IP6K1: variants seen among roughly 807,000 people sequenced by gnomAD.
The protein encoded by IP6K1 is ATP:1D-myo-inositol-hexakisphosphate phosphotransferase.
A neutral mutation model predicts 38.3 loss-of-function variants in IP6K1; 13 were observed. The ratio of observed to expected loss-of-function variants is 0.34; its 90% CI spans 0.22 to 0.54. IP6K1 has a LOEUF of 0.54. Among genes scored for constraint, IP6K1 ranks in the 20% least tolerant of loss-of-function variants. The pLI, the probability that IP6K1 is intolerant of heterozygous loss-of-function variation, is 0.92. For missense variants in IP6K1, 397 were observed against 599.8 expected, an observed-to-expected ratio of 0.66 and a Z score of 3.53; for synonymous variants, 212 against 229.9, an observed-to-expected ratio of 0.92 and a Z score of 0.70.
intron 1 of IP6K1, among the ~76,000 whole-genome samples, chr3:49,761,431 G>A (rs7621797): frequency 0.18 from 27,447 of 151,748 alleles, 2,827 homozygotes; most frequent in African/African-American, 0.26. Flanking sequence ...TCAAGACCAT[G>A]GTGAAACCCC....
intron 3 of IP6K1, among the ~76,000 whole-genome samples, chr3:49,734,870 C>T (rs1472971468): frequency 6.6e-6 from 1 of 152,220 alleles, no homozygotes; most frequent in Non-Finnish European, 1.5e-5. Flanking sequence ...AGCCCCACCC[C>T]TGGAATGACG....
chr3:49,777,793 T>C (rs966143008), intron 1 of IP6K1, among the ~76,000 whole-genome samples: 2 of 151,172 alleles, frequency 1.3e-5, no homozygotes, highest in Non-Finnish European at 2.9e-5. Flanking sequence ...CAGGCGCCTG[T>C]AGTCCCAGCT....
intron 1 of IP6K1, among the ~76,000 whole-genome samples, chr3:49,753,493 CT>C (rs1251257007): frequency 6.6e-6 from 1 of 152,074 alleles, no homozygotes; most frequent in Non-Finnish European, 1.5e-5. Flanking sequence ...ACTTTACTTA[CT>C]GATAATGTCT....
chr3:49,736,592 C>G (rs565469173), intron 3 of IP6K1, among the ~76,000 whole-genome samples: 12 of 152,164 alleles, frequency 7.9e-5, no homozygotes, highest in Admixed American at 7.9e-4. Flanking sequence ...CATGGATATA[C>G]CATATTTTGT....
At chr3:49,763,104 CTTTT>C (rs1217162043) in intron 1 of IP6K1, among the ~76,000 whole-genome samples, 6 of 137,582 alleles carry the variant, frequency 4.4e-5, no homozygotes, top group Admixed American at 1.5e-4. Flanking sequence ...TCAATTATTT[CTTTT>C]TTTTTTTTTT....
At chr3:49,774,017 AC>A (rs773035486) in intron 1 of IP6K1, among the ~76,000 whole-genome samples, 2,205 of 114,190 alleles carry the variant, frequency 0.019, 38 homozygotes, top group African/African-American at 0.052. Context: ...ACACACACAC[AC>A]AACACACACA....
At chr3:49,744,077 C>T (rs1362923908) in intron 2 of IP6K1, among the ~76,000 whole-genome samples, 4 of 151,944 alleles carry the variant, frequency 2.6e-5, no homozygotes, top group African/African-American at 9.7e-5. Flanking sequence ...CTTCTATTCC[C>T]ATCATTCCTT....
chr3:49,733,182 C>G (rs2080579037), intron 3 of IP6K1, among the ~76,000 whole-genome samples: 3 of 152,126 alleles, frequency 2.0e-5, no homozygotes. Context: ...TCTCTTAAAA[C>G]TATCTGAAAA....
chr3:49,764,176 G>GT (rs1390754084), intron 1 of IP6K1, among the ~76,000 whole-genome samples: 9 of 151,826 alleles, frequency 5.9e-5, no homozygotes, highest in Non-Finnish European at 1.3e-4. Context: ...GAGCCCAGGA[G>GT]TTTGAGACCA....
intron 1 of IP6K1, among the ~76,000 whole-genome samples, chr3:49,765,872 A>G (rs144503413): frequency 3.1e-4 from 47 of 151,604 alleles, no homozygotes; most frequent in African/African-American, 9.9e-4. Context: ...GCGAAACCCC[A>G]TATCTAAAAA....
rs11716895 is a variant in IP6K1, at chr3:49,725,346, C to G, written c.*1776G>C. On this transcript the variant is annotated 3_prime_UTR_variant, in exon 6 of 6. Coordinates refer to ENST00000321599, the MANE Select transcript of IP6K1 (RefSeq NM_153273.4). ...TACACTAATGAAGGGCTACTGCCCC[C>G]ATGGCTGAAGCCACAGAATGGTACA... The G allele has an allele frequency of 1.3e-5, 2 of 152,340 alleles. No individual in the cohort carries two copies. Among genetic ancestry groups the G allele is most frequent in the African/African-American group, 2.4e-5 (1 of 41,458 alleles). 9.4% of individuals were successfully genotyped at this position (152,340 alleles called of 1,614,324 possible).
intron 1 of IP6K1, among the ~76,000 whole-genome samples, chr3:49,761,950 TCTTTC>T (rs1020092723): frequency 3.3e-5 from 5 of 151,940 alleles, no homozygotes; most frequent in African/African-American, 4.8e-5. Flanking sequence ...TGTCTCTCTC[TCTTTC>T]ATTTATTTTT....
At chr3:49,785,088 G>T (rs967927440) in intron 1 of IP6K1, among the ~76,000 whole-genome samples, 9 of 152,204 alleles carry the variant, frequency 5.9e-5, no homozygotes, top group Non-Finnish European at 1.3e-4. Flanking sequence ...CAAGAGAAAT[G>T]TGTTTTGGAG....
chr3:49,727,729 G>T lies in IP6K1; in HGVS notation c.793-74C>A. On this transcript the variant is annotated intron_variant, in intron 5 of 5. Coordinates refer to ENST00000321599, the MANE Select transcript of IP6K1 (RefSeq NM_153273.4). The surrounding 1 kb of genome is among the most constrained non-coding windows in gnomAD (Gnocchi z 5.9). ...GCTCACAGTGCCCTGGGCAAACACTGTCTGGAAGGGACTTTGACCAACCTG... is the reference window on the plus strand; with the variant it reads ...GCTCACAGTGCCCTGGGCAAACACTTTCTGGAAGGGACTTTGACCAACCTG... 1 of 1,473,216 alleles carries T rather than the reference G, an allele frequency of 6.8e-7. No individual in the cohort carries two copies. Among genetic ancestry groups the T allele is most frequent in the Non-Finnish European group, 9.2e-7 (1 of 1,085,700 alleles). 91.3% of individuals were successfully genotyped at this position (1,473,216 alleles called of 1,614,324 possible).
chr3:49,752,202 G>C (rs988765162), intron 1 of IP6K1, among the ~76,000 whole-genome samples: 1 of 152,022 alleles, frequency 6.6e-6, no homozygotes, highest in East Asian at 1.9e-4. Flanking sequence ...TTAAAGACAG[G>C]GTTGGCCGGG....
intron 1 of IP6K1, chr3:49,785,376 C>G (rs532698004): frequency 1.3e-5 from 2 of 152,136 alleles, no homozygotes; most frequent in Non-Finnish European, 2.9e-5. Context: ...CATGGTGGCG[C>G]GTGTCTGTAG....
At position 49,726,926 on chromosome 3, in the gene IP6K1, T is replaced by A; in HGVS notation, c.*196A>T. The A allele has an allele frequency of 1.7e-6, 1 of 576,252 alleles. No individual in the cohort carries two copies. The highest frequency in any genetic ancestry group is 3.0e-6 in the Non-Finnish European group (1 of 338,078). The allele number at this position is 576,252 out of a possible 1,614,324, so 35.7% of individuals were successfully genotyped here. A position where few individuals can be genotyped will look rare whatever the true frequency, so the allele number is the denominator to read the frequency against. The stretch of plus-strand genomic sequence containing the variant: ...GAGCCACAAAGCTGAGGAGCCTGGC[T>A]GAGAGGGCGTGTGGTCTGCCCTCCT... On this transcript the variant is annotated 3_prime_UTR_variant, in exon 6 of 6. Transcript: ENST00000321599.
rs1393073683 is a variant in IP6K1, at chr3:49,784,673, G to A, written c.-129+1681C>T. 6.0e-5 allele frequency among the ~76,000 whole-genome samples: 9 copies of A among 151,096 alleles called. 1 individual carries two copies. In the East Asian group the frequency reaches 1.4e-3, roughly 23 times the overall value. ...AAAAAAAAAAAAAAGTAGGCTTGGC[G>A]CGGTGGCTCATGCCTGTAATCCCAA... On this transcript the variant is annotated intron_variant, in intron 1 of 5. Transcript: ENST00000321599.
chr3:49,756,336 C>A (rs2080822371), intron 1 of IP6K1, among the ~76,000 whole-genome samples: 1 of 152,184 alleles, frequency 6.6e-6, no homozygotes, highest in Non-Finnish European at 1.5e-5. Context: ...CACTGAACCT[C>A]TTTCCTGTTT....
Sources: allele counts gnomAD v4.1 joint callset (sites outside exome capture counted in the v4.1 genomes callset), GRCh38; gene constraint gnomAD v4.1.1; non-coding constraint Gnocchi (gnomAD v3.1); transcripts MANE v1.5; gene names NCBI Gene and HGNC (gene_info 2026-07-23, HGNC 2026-07-21).